The following ANKRD30BL variants were observed in gnomAD, a reference collection of about 807,000 sequenced individuals.
ANKRD30BL encodes ankyrin repeat domain 30B like.
Under a neutral mutation model 18.4 loss-of-function variants are expected in ANKRD30BL, and 20 were observed. The observed-to-expected ratio is 1.09, with a 90% CI of 0.77 to 1.58. ANKRD30BL has a LOEUF of 1.58. Ranked by LOEUF, ANKRD30BL falls within the 40% of genes most tolerant of loss-of-function variation. The probability of loss-of-function intolerance (pLI) is 0.00; values close to 1 mark genes in which losing one functional copy is unlikely to be tolerated. For missense variants in ANKRD30BL, 224 were observed against 268.6 expected, an observed-to-expected ratio of 0.83 and a Z score of 1.16; for synonymous variants, 72 against 100.9, an observed-to-expected ratio of 0.71 and a Z score of 1.72.
chr2:132,164,291 T>C (rs1688147959), upstream of ANKRD30BL, among the ~76,000 whole-genome samples: 2 of 133,970 alleles, frequency 1.5e-5, no homozygotes. Context: ...TTTTTTTTTT[T>C]TTAAGATGGA....
chr2:132,222,303 C>T (rs182406514), intron 1 of ANKRD30BL, among the ~76,000 whole-genome samples: 5,737 of 151,952 alleles, frequency 0.038, 357 homozygotes, highest in African/African-American at 0.13. Flanking sequence ...TGAGGAGCCC[C>T]TCTGCCCGGC....
At chr2:132,195,912 T>C (rs1678957855) in intron 1 of ANKRD30BL, among the ~76,000 whole-genome samples, 1 of 151,508 alleles carries the variant, frequency 6.6e-6, no homozygotes, top group South Asian at 2.1e-4. Context: ...GAGGACCAGT[T>C]GGGTGGATCA....
At chr2:132,177,661 G>A (rs1395363392) in intron 1 of ANKRD30BL, among the ~76,000 whole-genome samples, 1 of 152,152 alleles carries the variant, frequency 6.6e-6, no homozygotes, top group Non-Finnish European at 1.5e-5. Context: ...ACAATTCACA[G>A]TAAGGAATTG....
chr2:132,228,279 A>G (rs1447941549), intron 1 of ANKRD30BL, among the ~76,000 whole-genome samples: 5 of 151,882 alleles, frequency 3.3e-5, no homozygotes, highest in African/African-American at 1.2e-4. Context: ...AACGACACAG[A>G]AGAATTCGGA....
At chr2:132,172,055 A>C (rs990886672) in intron 1 of ANKRD30BL, among the ~76,000 whole-genome samples, 12 of 152,348 alleles carry the variant, frequency 7.9e-5, no homozygotes, top group African/African-American at 2.6e-4. Context: ...TTAGAATTTC[A>C]TTCCTTAATA....
At chr2:132,214,947 T>C (rs1200550935) in intron 1 of ANKRD30BL, among the ~76,000 whole-genome samples, 1 of 152,134 alleles carries the variant, frequency 6.6e-6, no homozygotes, top group Non-Finnish European at 1.5e-5. Context: ...GAATCACTCT[T>C]TTTGTAGAAT....
chr2:132,205,430 C>T (rs1679192327), intron 1 of ANKRD30BL, among the ~76,000 whole-genome samples: 1 of 147,438 alleles, frequency 6.8e-6, no homozygotes, highest in Non-Finnish European at 1.5e-5. Flanking sequence ...GAAGAAACCC[C>T]ACCTCTACTA....
chr2:132,191,589 ATTTTGAT>A (rs1678850571), intron 1 of ANKRD30BL, among the ~76,000 whole-genome samples: 1 of 152,106 alleles, frequency 6.6e-6, no homozygotes, highest in Non-Finnish European at 1.5e-5. Context: ...GTGTTATTGC[ATTTTGAT>A]TTTTAAGTTC....
chr2:132,187,157 C>T (rs190505747), intron 1 of ANKRD30BL, among the ~76,000 whole-genome samples: 2 of 138,580 alleles, frequency 1.4e-5, no homozygotes, highest in African/African-American at 5.4e-5. Flanking sequence ...AATCATGCAT[C>T]GTAGGAAGTT....
At chr2:132,220,877 A>T (rs1679654822) in intron 1 of ANKRD30BL, among the ~76,000 whole-genome samples, 1 of 150,360 alleles carries the variant, frequency 6.7e-6, no homozygotes, top group African/African-American at 2.5e-5. Flanking sequence ...CTGGAAAGTC[A>T]GGAGCCTCTG....
intron 1 of ANKRD30BL, among the ~76,000 whole-genome samples, chr2:132,168,509 A>G (rs1198785385): frequency 6.6e-6 from 1 of 152,240 alleles, no homozygotes; most frequent in Non-Finnish European, 1.5e-5. Context: ...ACACAGAAAG[A>G]CAAATATACT....
chr2:132,198,317 TTTC>T (rs1679014249), intron 1 of ANKRD30BL, among the ~76,000 whole-genome samples: 2 of 32,910 alleles, frequency 6.1e-5, no homozygotes, highest in Admixed American at 4.0e-4. Flanking sequence ...TCTTTCTTTC[TTTC>T]TTTCTTTTTT....
chr2:132,178,895 A>G, intron 1 of ANKRD30BL, among the ~76,000 whole-genome samples: 1 of 151,724 alleles, frequency 6.6e-6, no homozygotes, highest in Non-Finnish European at 1.5e-5. Flanking sequence ...GAAATGAAAT[A>G]ATTTGATAGA....
chr2:132,221,611 G>A (rs1247157307), intron 1 of ANKRD30BL, among the ~76,000 whole-genome samples: 22 of 128,330 alleles, frequency 1.7e-4, no homozygotes, highest in East Asian at 4.9e-4. Flanking sequence ...TCAGCCCCCC[G>A]CCCGGCCAGC....
At chr2:132,181,260 G>A (rs185064048) in intron 1 of ANKRD30BL, among the ~76,000 whole-genome samples, 1 of 152,088 alleles carries the variant, frequency 6.6e-6, no homozygotes, top group Non-Finnish European at 1.5e-5. Context: ...GATTGCCTGA[G>A]CTCAGGAGTT....
chr2:132,173,881 A>G (rs1688322204), intron 1 of ANKRD30BL, among the ~76,000 whole-genome samples: 1 of 152,186 alleles, frequency 6.6e-6, no homozygotes, highest in Non-Finnish European at 1.5e-5. Flanking sequence ...TTCTCTTGCT[A>G]TAAAGAAGAC....
chr2:132,183,000 A>T (rs919628056), intron 1 of ANKRD30BL, among the ~76,000 whole-genome samples: 15 of 152,154 alleles, frequency 9.9e-5, no homozygotes, highest in African/African-American at 3.6e-4. Context: ...TATATAAAAT[A>T]AAAAATAACG....
intron 1 of ANKRD30BL, among the ~76,000 whole-genome samples, chr2:132,237,476 A>T (rs1365526995): frequency 2.6e-5 from 4 of 152,152 alleles, no homozygotes; most frequent in African/African-American, 9.6e-5. Context: ...AAGCATTCTC[A>T]GAAACTTATT....
chr2:132,208,436 G>A (rs1429911905), intron 1 of ANKRD30BL, among the ~76,000 whole-genome samples: 4 of 152,034 alleles, frequency 2.6e-5, no homozygotes, highest in Non-Finnish European at 4.4e-5. Flanking sequence ...GTCTATGGTA[G>A]CTGCTATTTT....
Sources: allele counts gnomAD v4.1 joint callset (sites outside exome capture counted in the v4.1 genomes callset), GRCh38; gene constraint gnomAD v4.1.1; transcripts MANE v1.5; gene names NCBI Gene and HGNC (gene_info 2026-07-23, HGNC 2026-07-21).